The following BLTP3A variants were observed in gnomAD, a reference collection of about 807,000 sequenced individuals.
The protein encoded by BLTP3A is bridge-like lipid transfer protein family member 3A.
At chr6:34,862,535 G>A in the BLTP3A span, among the ~76,000 whole-genome samples, 1 of 151,668 alleles carries the variant, frequency 6.6e-6, no homozygotes, top group Non-Finnish European at 1.5e-5. Context: ...TCCCCTGCAG[G>A]GTTTGTTAAA....
At chr6:34,802,150 G>A in the BLTP3A span, among the ~76,000 whole-genome samples, 1 of 152,010 alleles carries the variant, frequency 6.6e-6, no homozygotes, top group Non-Finnish European at 1.5e-5. Context: ...TCTTGGTATT[G>A]GAATCACCAA....
the BLTP3A span, chr6:34,835,155 A>G: frequency 1.0e-6 from 1 of 982,170 alleles, no homozygotes; most frequent in African/African-American, 1.6e-5. Flanking sequence ...GTTTTATAAG[A>G]AATTGTCTCT....
chr6:34,826,355 T>A, the BLTP3A span, among the ~76,000 whole-genome samples: 1 of 149,092 alleles, frequency 6.7e-6, no homozygotes, highest in Admixed American at 6.7e-5. Context: ...TTTTACATCC[T>A]ACTTTTTTTT....
At chr6:34,872,265 C>T in the BLTP3A span, 1 of 1,559,258 alleles carries the variant, frequency 6.4e-7, no homozygotes, top group South Asian at 1.2e-5. Flanking sequence ...GCGGTTGTTG[C>T]AAGATGGTAT....
At chr6:34,804,855 A>G in the BLTP3A span, among the ~76,000 whole-genome samples, 1 of 152,234 alleles carries the variant, frequency 6.6e-6, no homozygotes, top group Non-Finnish European at 1.5e-5. Flanking sequence ...CCAGACTGCC[A>G]GATTTTGAAT....
the BLTP3A span, among the ~76,000 whole-genome samples, chr6:34,831,943 T>C: frequency 1.3e-5 from 2 of 151,988 alleles, no homozygotes; most frequent in Non-Finnish European, 2.9e-5. Context: ...GACTCCCAAG[T>C]AGCTGGGACT....
At chr6:34,822,458 C>G in the BLTP3A span, among the ~76,000 whole-genome samples, 2 of 152,034 alleles carry the variant, frequency 1.3e-5, no homozygotes, top group Admixed American at 6.6e-5. Flanking sequence ...AGGCTGGTCT[C>G]GAACTCCTAA....
chr6:34,850,013 C>T, the BLTP3A span, among the ~76,000 whole-genome samples: 1 of 151,936 alleles, frequency 6.6e-6, no homozygotes, highest in African/African-American at 2.4e-5. Context: ...TGTGGTGGTG[C>T]ATTCCTGTAA....
the BLTP3A span, among the ~76,000 whole-genome samples, chr6:34,847,925 T>C: frequency 1.9e-3 from 94 of 48,680 alleles, no homozygotes; most frequent in African/African-American, 5.7e-3. Context: ...TTTTTCCTTT[T>C]TTTTTTTTTT....
chr6:34,803,145 C>T, the BLTP3A span, among the ~76,000 whole-genome samples: 37 of 151,620 alleles, frequency 2.4e-4, no homozygotes, highest in African/African-American at 9.0e-4. Flanking sequence ...GATCGCGCCA[C>T]TGCACTCCAG....
the BLTP3A span, among the ~76,000 whole-genome samples, chr6:34,827,017 G>T: frequency 2.6e-5 from 4 of 152,116 alleles, no homozygotes; most frequent in Non-Finnish European, 4.4e-5. Context: ...GTATTTTTAA[G>T]AAAGAGAAAA....
chr6:34,794,629 G>C, the BLTP3A span, among the ~76,000 whole-genome samples: 2 of 152,124 alleles, frequency 1.3e-5, no homozygotes, highest in South Asian at 2.1e-4. Context: ...ATCTAGTTTC[G>C]TACCTCATTT....
At chr6:34,836,776 C>G in the BLTP3A span, among the ~76,000 whole-genome samples, 705 of 152,174 alleles carry the variant, frequency 4.6e-3, 3 homozygotes, top group African/African-American at 0.015. Context: ...AGATTTGGGT[C>G]AGTTTAAATA....
At chr6:34,811,374 A>G in the BLTP3A span, among the ~76,000 whole-genome samples, 1,106 of 152,346 alleles carry the variant, frequency 7.3e-3, 4 homozygotes, top group Non-Finnish European at 0.012. Context: ...ATGAAGCTGC[A>G]GTATTAAAGA....
the BLTP3A span, chr6:34,857,944 C>G: frequency 2.5e-6 from 4 of 1,602,454 alleles, no homozygotes; most frequent in Admixed American, 1.7e-5. Context: ...ACTTTTATCC[C>G]CTGTTAGTAG....
the BLTP3A span, among the ~76,000 whole-genome samples, chr6:34,869,039 T>C: frequency 3.9e-5 from 6 of 152,074 alleles, no homozygotes; most frequent in Non-Finnish European, 8.8e-5. Context: ...ACAGTCTTGC[T>C]CTGTTGCCCA....
the BLTP3A span, chr6:34,875,018 C>G: frequency 1.3e-5 from 2 of 152,580 alleles, no homozygotes; most frequent in Non-Finnish European, 2.9e-5. Context: ...AGCAAGGACC[C>G]GGTCCTGTAC....
At chr6:34,797,524 A>G in the BLTP3A span, among the ~76,000 whole-genome samples, 11 of 152,306 alleles carry the variant, frequency 7.2e-5, no homozygotes, top group East Asian at 1.7e-3. Flanking sequence ...TTACTTTTCC[A>G]AGGTCACTTA....
chr6:34,793,913 T>C, the BLTP3A span, among the ~76,000 whole-genome samples: 3 of 132,952 alleles, frequency 2.3e-5, no homozygotes, highest in Non-Finnish European at 4.7e-5. Context: ...CAGTATCTAC[T>C]TCAAGGGTAC....
Sources: allele counts gnomAD v4.1 joint callset (sites outside exome capture counted in the v4.1 genomes callset), GRCh38; gene constraint gnomAD v4.1.1; transcripts MANE v1.5; gene names NCBI Gene and HGNC (gene_info 2026-07-23, HGNC 2026-07-21).